Variants in ADCY5 observed in about 807,000 individuals in gnomAD.
ADCY5 encodes the protein adenylate cyclase type 5.
ADCY5 carries 30 observed loss-of-function variants against 119.7 expected under a neutral mutation model. The observed-to-expected ratio is 0.25, with a 90% CI of 0.19 to 0.34. The LOEUF (loss-of-function observed/expected upper bound fraction) is 0.34, where lower values mean the gene tolerates loss of function less well. Ranked by LOEUF, ADCY5 falls within the 10% of genes least tolerant of loss-of-function variation. ADCY5 has a pLI of 1.00. For synonymous variants in ADCY5, 753 were observed against 762.2 expected (o/e 0.99, Z 0.20); for missense variants, 1,324 against 1,775.2 (o/e 0.75, Z 4.57).
chr3:123,434,728 T>C (rs115617465), intron 1 of ADCY5, among the ~76,000 whole-genome samples: 6 of 152,202 alleles, frequency 3.9e-5, no homozygotes, highest in African/African-American at 1.4e-4. Context: ...TGTTAAGGTA[T>C]AGTTTCAAAA....
At chr3:123,390,249 G>A (rs1485723724) in intron 1 of ADCY5, among the ~76,000 whole-genome samples, 1 of 152,228 alleles carries the variant, frequency 6.6e-6, no homozygotes. Context: ...AGAGGGAGCT[G>A]GTCATACCTG....
chr3:123,371,874 G>A (rs1943654109), intron 1 of ADCY5, among the ~76,000 whole-genome samples: 1 of 152,222 alleles, frequency 6.6e-6, no homozygotes, highest in Non-Finnish European at 1.5e-5. Flanking sequence ...GCCCTGGGCT[G>A]CTCCTAAGCC....
In ADCY5 at chr3:123,423,049, T is replaced by A. The variant is rs147150740; in HGVS notation, c.1134+24363A>T. On this transcript the variant is annotated intron_variant, in intron 1 of 20. Transcript: ENST00000462833. ...ACCTTGCAGTGAGAGGACAGACCAG[T>A]TACTGGAGCCACCCTGGCCCCGGGC... Among the ~76,000 whole-genome samples, 242 of 152,230 alleles carry A rather than the reference T, an allele frequency of 1.6e-3. 2 individuals carry two copies. The highest frequency in any genetic ancestry group is 5.4e-3 in the African/African-American group (226 of 41,556).
intron 1 of ADCY5, among the ~76,000 whole-genome samples, chr3:123,426,575 C>G (rs1253463484): frequency 1.3e-5 from 2 of 152,118 alleles, no homozygotes; most frequent in African/African-American, 4.8e-5. Flanking sequence ...AGGTGATCTG[C>G]CCATCTCAGC....
chr3:123,377,407 C>T (rs1943874101), intron 1 of ADCY5, among the ~76,000 whole-genome samples: 1 of 152,148 alleles, frequency 6.6e-6, no homozygotes, highest in African/African-American at 2.4e-5. Flanking sequence ...CCAGTTACCT[C>T]CTACTCTTCC....
At chr3:123,402,164 C>G (rs146441101) in intron 1 of ADCY5, among the ~76,000 whole-genome samples, 24 of 152,282 alleles carry the variant, frequency 1.6e-4, no homozygotes, top group African/African-American at 5.8e-4. Flanking sequence ...GCTGAGAACA[C>G]AAGAGGCTTA....
intron 1 of ADCY5, among the ~76,000 whole-genome samples, chr3:123,443,991 T>C (rs937419505): frequency 1.3e-5 from 2 of 152,162 alleles, no homozygotes; most frequent in Non-Finnish European, 2.9e-5. Context: ...TTCTCCAAAA[T>C]AATCGTTAAT....
intron 15 of ADCY5, 128 bp from the exon 16 acceptor site, chr3:123,297,510 T>C: frequency 4.8e-6 from 5 of 1,051,790 alleles, no homozygotes; most frequent in Non-Finnish European, 7.4e-6. Context: ...CCCAGCCCCA[T>C]TCACCCTCCA....
chr3:123,448,382 TTGG>T lies in ADCY5; in HGVS notation c.161_163del (p.Thr54del), dbSNP rs1252991991. On this transcript the variant is annotated inframe_deletion, in exon 1 of 21. Transcript: ENST00000462833. ...CGGGGTCACCGCCCCCCCGGGTTTC[TTGG>T]TGGAGCCGCGGGCAGAGCCCCCGGG... is the stretch of plus-strand genomic sequence containing the variant. 6.8e-7 allele frequency: 1 copy of T among 1,471,456 alleles called. No homozygotes were observed. The highest frequency in any genetic ancestry group is 8.9e-7 in the Non-Finnish European group (1 of 1,121,428). 91.1% of individuals were successfully genotyped at this position (1,471,456 alleles called of 1,614,324 possible). A position where few individuals can be genotyped will look rare whatever the true frequency, so the allele number is the denominator to read the frequency against.
chr3:123,323,567 T>C (rs1941331459), intron 8 of ADCY5, among the ~76,000 whole-genome samples: 1 of 151,454 alleles, frequency 6.6e-6, no homozygotes, highest in Admixed American at 6.6e-5. Context: ...CAGCTTCCCC[T>C]CCACTTCCTG....
intron 1 of ADCY5, among the ~76,000 whole-genome samples, chr3:123,387,393 G>A (rs1944257664): frequency 6.6e-6 from 1 of 152,150 alleles, no homozygotes; most frequent in Admixed American, 6.6e-5. Flanking sequence ...CAGGGTTGGG[G>A]AAACTAGCCA....
chr3:123,325,254 GC>G, intron 8 of ADCY5, 67 bp downstream of exon 8: 1 of 1,570,766 alleles, frequency 6.4e-7, no homozygotes, highest in Admixed American at 1.7e-5. Context: ...TCTGGTGCGG[GC>G]CTCATGCCCA....
intron 1 of ADCY5, among the ~76,000 whole-genome samples, chr3:123,364,294 T>C (rs1271114824): frequency 6.6e-6 from 1 of 152,192 alleles, no homozygotes; most frequent in Non-Finnish European, 1.5e-5. Flanking sequence ...TCTTCTCTTC[T>C]GACAGAAGAG....
In ADCY5 at chr3:123,299,211, T is replaced by A. The variant is rs550620022; in HGVS notation, c.2900+909A>T. 2.0e-5 allele frequency among the ~76,000 whole-genome samples: 3 copies of A among 152,332 alleles called. No homozygotes were observed. The South Asian group carries it at 6.2e-4, about 32-fold the overall frequency. On this transcript the variant is annotated intron_variant, in intron 15 of 20. Transcript: ENST00000462833. ...ACCCTCCAATGACAAAGGACAACTC[T>A]GATCTGAGGAGTCCCCTTCCCTTCT...
chr3:123,285,746 CCCTTGCT>C (rs1938706592), intron 20 of ADCY5, among the ~76,000 whole-genome samples: 1 of 152,216 alleles, frequency 6.6e-6, no homozygotes, highest in South Asian at 2.1e-4. Context: ...ACACACATGC[CCCTTGCT>C]CCTATCTCTA....
chr3:123,353,533 A>G (rs896374478), intron 1 of ADCY5, among the ~76,000 whole-genome samples: 1 of 152,038 alleles, frequency 6.6e-6, no homozygotes, highest in Non-Finnish European at 1.5e-5. Context: ...GGGGGCTTTG[A>G]GCTGCACCTC....
chr3:123,416,212 C>T, intron 1 of ADCY5: 1 of 1,536,118 alleles, frequency 6.5e-7, no homozygotes, highest in Non-Finnish European at 8.7e-7. Flanking sequence ...TCCTCCAGGA[C>T]CTGTCTGAAT....
Position 123,333,789 on chromosome 3 carries a change from G to GA in ADCY5, c.1407-1115dup, listed in dbSNP as rs150376835. Among the ~76,000 whole-genome samples, 565 of 152,360 alleles carry GA rather than the reference G, an allele frequency of 3.7e-3. 4 individuals are homozygous for GA. The highest frequency in any genetic ancestry group is 0.013 in the African/African-American group (546 of 41,582). The stretch of plus-strand genomic sequence containing the variant: ...CTGCTCTGGAAGGCATTTCAGGCCA[G>GA]AATGATGGCCCTGCAAACTCTGACT... On this transcript the variant is annotated intron_variant, in intron 3 of 20. Coordinates refer to ENST00000462833, the MANE Select transcript of ADCY5 (RefSeq NM_183357.3).
rs535435250 is a variant in ADCY5, at chr3:123,420,518, G to A, written c.1134+26894C>T. ...GGGAGGTGAGGGGTGAGTGATCTGTGCCCCAGGCCCTACAGATGGCCGCAT... is the reference window on the plus strand; with the variant it reads ...GGGAGGTGAGGGGTGAGTGATCTGTACCCCAGGCCCTACAGATGGCCGCAT... On this transcript the variant is annotated intron_variant, in intron 1 of 20. Coordinates refer to ENST00000462833, the MANE Select transcript of ADCY5 (RefSeq NM_183357.3). Among the ~76,000 whole-genome samples the A allele has an allele frequency of 3.3e-5, 5 of 152,260 alleles. No individual in the cohort carries two copies. In the East Asian group the frequency reaches 5.8e-4, roughly 18 times the overall value.
Sources: gnomAD v4.1 joint callset for allele counts (sites outside exome capture counted in the v4.1 genomes callset) on GRCh38, gnomAD v4.1.1 for gene constraint, MANE v1.5 for transcripts, NCBI Gene and HGNC (gene_info 2026-07-23, HGNC 2026-07-21) for gene names.